Variants in KHDC1 observed in about 807,000 individuals in gnomAD.
KHDC1 encodes KH homology domain-containing protein 1.
Under a neutral mutation model 24.7 loss-of-function variants are expected in KHDC1, and 21 were observed. That is an observed-to-expected ratio of 0.85 (90% CI 0.60 to 1.23). The LOEUF (loss-of-function observed/expected upper bound fraction) is 1.23, where lower values mean the gene tolerates loss of function less well. KHDC1 is among the 50% of genes most tolerant of loss of function. The pLI is 0.00. For missense variants in KHDC1, 274 were observed against 298.5 expected (o/e 0.92, Z 0.61); for synonymous variants, 98 against 111.7 (o/e 0.88, Z 0.77).
At chr6:73,298,434 T>G (rs1440033413) in intron 1 of KHDC1, among the ~76,000 whole-genome samples, 1 of 112,914 alleles carries the variant, frequency 8.9e-6, no homozygotes, top group African/African-American at 3.6e-5. Flanking sequence ...TTTTTTTTTT[T>G]TTTTTTTTTT....
At chr6:73,300,595 C>T (rs1346683107) in intron 1 of KHDC1, 1 of 152,156 alleles carries the variant, frequency 6.6e-6, no homozygotes. Context: ...ACTCGCTTCA[C>T]CTAGAACTGC....
At chr6:73,271,929 G>T (rs1582567968) in intron 2 of KHDC1, among the ~76,000 whole-genome samples, 1 of 151,572 alleles carries the variant, frequency 6.6e-6, no homozygotes, top group Non-Finnish European at 1.5e-5. Context: ...TGATCAGTAT[G>T]TACTGACAGA....
intron 2 of KHDC1, among the ~76,000 whole-genome samples, chr6:73,273,069 G>A (rs1464186423): frequency 4.0e-5 from 6 of 151,436 alleles, no homozygotes; most frequent in Non-Finnish European, 5.9e-5. Flanking sequence ...ATGTTGGCCA[G>A]GCTGGTGGCG....
intron 2 of KHDC1, among the ~76,000 whole-genome samples, chr6:73,264,695 C>G (rs1229569352): frequency 6.6e-6 from 1 of 152,192 alleles, no homozygotes; most frequent in African/African-American, 2.4e-5. Flanking sequence ...TATCATAGGC[C>G]AGGTGTGGAA....
At chr6:73,264,781 G>A (rs570528741) in intron 2 of KHDC1, among the ~76,000 whole-genome samples, 2 of 152,320 alleles carry the variant, frequency 1.3e-5, no homozygotes, top group East Asian at 3.9e-4. Context: ...GACATTGACA[G>A]GAAAGCAGAG....
chr6:73,293,232 G>A (rs1767690222), intron 1 of KHDC1: 1 of 669,396 alleles, frequency 1.5e-6, no homozygotes, highest in Admixed American at 1.9e-5. Context: ...ACAATAGCAG[G>A]TCAGAGGCTC....
chr6:73,271,201 T>G (rs10943085), intron 2 of KHDC1, among the ~76,000 whole-genome samples: 11,620 of 151,094 alleles, frequency 0.077, 506 homozygotes, highest in Non-Finnish European at 0.092. Flanking sequence ...AATGTTTTGG[T>G]TTTTTTTTGT....
At chr6:73,244,710 G>C (rs867077406) in intron 2 of KHDC1, among the ~76,000 whole-genome samples, 5 of 143,238 alleles carry the variant, frequency 3.5e-5, no homozygotes, top group East Asian at 4.5e-4. Context: ...GGCGGGGGGG[G>C]GCTCCGTAAG....
At chr6:73,247,344 C>G (rs1429632543) in intron 2 of KHDC1, among the ~76,000 whole-genome samples, 1 of 152,116 alleles carries the variant, frequency 6.6e-6, no homozygotes, top group African/African-American at 2.4e-5. Context: ...ACAGAGCCCT[C>G]AGGACTTTCT....
chr6:73,247,925 G>A (rs1446035723), intron 2 of KHDC1, among the ~76,000 whole-genome samples: 1 of 151,080 alleles, frequency 6.6e-6, no homozygotes, highest in Non-Finnish European at 1.5e-5. Flanking sequence ...AGGAGATTCA[G>A]TCACACTTGC....
exon 1 of KHDC1, chr6:73,310,029 T>G (rs1412948715): frequency 6.5e-6 from 2 of 307,092 alleles, no homozygotes; most frequent in Admixed American, 5.6e-5. Context: ...AAACCATCTT[T>G]GGGCCTTGAT....
intron 2 of KHDC1, among the ~76,000 whole-genome samples, chr6:73,259,371 G>A (rs1213487947): frequency 1.4e-5 from 2 of 138,640 alleles, no homozygotes; most frequent in African/African-American, 5.6e-5. Context: ...CAGTTATAGT[G>A]CACTAGCCTG....
At chr6:73,268,053 C>A in intron 2 of KHDC1, 2 of 155,860 alleles carry the variant, frequency 1.3e-5, no homozygotes, top group South Asian at 2.0e-4. Context: ...GGTCATGTGT[C>A]CGGAATTGAT....
chr6:73,286,826 T>G (rs966315988), intron 2 of KHDC1, among the ~76,000 whole-genome samples: 5 of 150,212 alleles, frequency 3.3e-5, no homozygotes, highest in Non-Finnish European at 7.4e-5. Flanking sequence ...GAGATTGCAG[T>G]GAGCTGAGTT....
At chr6:73,290,730 T>C (rs771359301) in intron 2 of KHDC1, 19 of 384,078 alleles carry the variant, frequency 4.9e-5, no homozygotes, top group Non-Finnish European at 7.6e-5. Context: ...CTGGAACCTT[T>C]GCTAACCAGA....
intron 2 of KHDC1, among the ~76,000 whole-genome samples, chr6:73,273,810 C>T (rs946274943): frequency 2.0e-5 from 3 of 151,658 alleles, no homozygotes; most frequent in Non-Finnish European, 2.9e-5. Context: ...CAGGGTAATA[C>T]TCTGTCTTAG....
chr6:73,279,333 G>C lies in KHDC1; in HGVS notation c.206+12665C>G, dbSNP rs939998857. ...TGAGGCAGGAGAATTGCTTGAACCTGGGAGGTGGAGGCTGCAGTGAGCCAA... is the reference window on the plus strand; with the variant it reads ...TGAGGCAGGAGAATTGCTTGAACCTCGGAGGTGGAGGCTGCAGTGAGCCAA... On this transcript the variant is annotated intron_variant, in intron 2 of 4. Coordinates refer to ENST00000370384, the Ensembl canonical transcript of KHDC1. Among the ~76,000 whole-genome samples, 4 of 152,154 alleles carry C rather than the reference G, an allele frequency of 2.6e-5. No homozygotes were observed. In the East Asian group the frequency reaches 5.8e-4, roughly 22 times the overall value.
rs544405074 is a variant in KHDC1 at position 73,282,849 on chromosome 6, C to G, written c.206+9149G>C. ...GTCCTTCCCCCACCCACCATATTATCCTTAAAAACTCTGATCCCCGAGTGC... is the reference window on the plus strand; with the variant it reads ...GTCCTTCCCCCACCCACCATATTATGCTTAAAAACTCTGATCCCCGAGTGC... On this transcript the variant is annotated intron_variant, in intron 2 of 4. Coordinates refer to ENST00000370384, the Ensembl canonical transcript of KHDC1. 2.0e-5 allele frequency among the ~76,000 whole-genome samples: 3 copies of G among 152,304 alleles called. No homozygotes were observed. In the East Asian group the frequency reaches 5.8e-4, roughly 29 times the overall value.
At chr6:73,299,377 C>T (rs571205302) in intron 1 of KHDC1, 17 of 152,422 alleles carry the variant, frequency 1.1e-4, no homozygotes, top group African/African-American at 3.8e-4. Context: ...ACGCACTGTT[C>T]CGTGAGCAGC....
Sources: gnomAD v4.1 joint callset for allele counts (sites outside exome capture counted in the v4.1 genomes callset) on GRCh38, gnomAD v4.1.1 for gene constraint, MANE v1.5 for transcripts, NCBI Gene and HGNC (gene_info 2026-07-23, HGNC 2026-07-21) for gene names.